TBC1D8B: variants seen among roughly 807,000 people sequenced by gnomAD.
TBC1D8B encodes the protein TBC1 domain family member 8B, also known as RP11-321G1.1.
A neutral mutation model predicts 82.9 loss-of-function variants in TBC1D8B; 75 were observed. The observed-to-expected ratio is 0.90, with a 90% CI of 0.75 to 1.10. TBC1D8B has a LOEUF of 1.10. TBC1D8B is among the 50% of genes least tolerant of loss of function. The probability of loss-of-function intolerance (pLI) is 0.00; values close to 1 mark genes in which losing one functional copy is unlikely to be tolerated. For missense variants in TBC1D8B, 794 were observed against 796.9 expected (o/e 1.00, Z 0.04); for synonymous variants, 276 against 276.8 (o/e 1.00, Z 0.03).
intron 1 of TBC1D8B, among the ~76,000 whole-genome samples, chrX:106,807,545 C>A (rs761014176): frequency 1.0e-5 from 1 of 98,221 alleles, no homozygotes; most frequent in Non-Finnish European, 2.0e-5. Flanking sequence ...AGATTTAATT[C>A]TAATGAAAGA....
chrX:106,842,068 G>C (rs1273935845), intron 10 of TBC1D8B, among the ~76,000 whole-genome samples: 2 of 111,072 alleles, frequency 1.8e-5, no homozygotes, highest in Non-Finnish European at 3.8e-5. Context: ...TATTTATAAT[G>C]GGTTGAATAC....
intron 10 of TBC1D8B, among the ~76,000 whole-genome samples, chrX:106,843,992 T>C (rs980122363): frequency 9.0e-6 from 1 of 111,699 alleles, no homozygotes; most frequent in African/African-American, 3.2e-5. Context: ...ATTGAATTGT[T>C]TTCTTGATTT....
intron 1 of TBC1D8B, 59 bp downstream of exon 1, chrX:106,803,042 T>G: frequency 8.9e-7 from 1 of 1,120,587 alleles, no homozygotes; most frequent in Admixed American, 2.7e-5. Flanking sequence ...TAAAAGGTGG[T>G]GAGGACAACA....
intron 7 of TBC1D8B, among the ~76,000 whole-genome samples, chrX:106,834,911 A>G (rs1286434669): frequency 5.4e-5 from 6 of 111,946 alleles, no homozygotes; most frequent in Admixed American, 4.7e-4. Context: ...GGCTGCTTTC[A>G]CAGGCTAGCA....
At chrX:106,866,576 G>A (rs1265127646) in intron 16 of TBC1D8B, among the ~76,000 whole-genome samples, 1 of 112,147 alleles carries the variant, frequency 8.9e-6, no homozygotes, top group African/African-American at 3.2e-5. Context: ...CTAGGAAAGA[G>A]AACATTTTAC....
intron 1 of TBC1D8B, among the ~76,000 whole-genome samples, chrX:106,809,832 C>T (rs1477257821): frequency 4.0e-5 from 4 of 100,819 alleles, no homozygotes. Flanking sequence ...TGCAGTGAGC[C>T]GAGATCACGC....
intron 14 of TBC1D8B, among the ~76,000 whole-genome samples, chrX:106,864,512 C>CTTTTTT (rs771983121): frequency 1.2e-5 from 1 of 82,489 alleles, no homozygotes; most frequent in Non-Finnish European, 2.3e-5. Flanking sequence ...TGCTGGGCAC[C>CTTTTTT]TTTTTTTTTT....
intron 2 of TBC1D8B, among the ~76,000 whole-genome samples, chrX:106,819,914 G>T (rs927944372): frequency 1.8e-5 from 2 of 110,578 alleles, no homozygotes; most frequent in African/African-American, 6.5e-5. Flanking sequence ...TATACCAAAA[G>T]AATCAAACTT....
At position 106,875,766 on chromosome X, in the gene TBC1D8B, A is replaced by G. The variant is rs1438619660; in HGVS notation, c.*1801A>G. The G allele has an allele frequency of 3.6e-5, 4 of 112,315 alleles. No individual in the cohort carries two copies. The highest frequency in any genetic ancestry group is 7.5e-5 in the Non-Finnish European group (4 of 53,309). 9.3% of individuals were successfully genotyped at this position (112,315 alleles called of 1,213,427 possible). A position where few individuals can be genotyped will look rare whatever the true frequency, so the allele number is the denominator to read the frequency against. ...AATATTTTGTCAGTTGTATTTACAA[A>G]GAAAGGTACTTTCTTAAGAGCATAT... On this transcript the variant is annotated 3_prime_UTR_variant, in exon 21 of 21. Transcript: ENST00000357242.
At chrX:106,856,179 A>G (rs1161330162) in intron 14 of TBC1D8B, among the ~76,000 whole-genome samples, 1 of 111,594 alleles carries the variant, frequency 9.0e-6, no homozygotes, top group African/African-American at 3.3e-5. Flanking sequence ...GCCTTTGCTT[A>G]TTTTTCTATG....
intron 15 of TBC1D8B, 36 bp from the exon 16 acceptor site, chrX:106,865,757 A>T: frequency 8.8e-7 from 1 of 1,141,793 alleles, no homozygotes; most frequent in South Asian, 2.1e-5. Context: ...TACTTTTTCT[A>T]ATTAGTAACT....
chrX:106,853,795 C>A (rs1312219629), intron 13 of TBC1D8B, 145 bp downstream of exon 13: 7 of 578,291 alleles, frequency 1.2e-5, no homozygotes, highest in Non-Finnish European at 1.9e-5. Context: ...AAAATGAGTT[C>A]TGTGAACTGT....
Position 106,848,235 on chromosome X carries a change from A to C in TBC1D8B, c.1769A>C (p.Glu590Ala). The C allele has an allele frequency of 8.4e-7, 1 of 1,194,684 alleles. No homozygotes were observed. Among genetic ancestry groups the C allele is most frequent in the East Asian group, 3.0e-5 (1 of 33,492 alleles). Residue 590 changes from glutamate to alanine, a missense_variant, in exon 11 of 21, where the codon GAA becomes GCA. Glu to Ala is a moderately radical substitution (Grantham distance 107, BLOSUM62 -1). Transcript: ENST00000357242. ...CTGCTTCTATATGCAAAAGAGGAAG[A>C]AGCTTTTTGGCTTCTGGTTGCTGTA... ...SVLLLYAKEE[E>A]AFWLLVAVCE...
At position 106,840,634 on chromosome X, in the gene TBC1D8B, A is replaced by G; in HGVS notation, c.1505-36A>G. On this transcript the variant is annotated intron_variant, in intron 9 of 20. Transcript: ENST00000357242. ...ATATGGAAATAGCTTCATTATATCC[A>G]CCTTCTGTTGTATGTTAATGTAATA... 3 of 1,126,198 alleles carry G rather than the reference A, an allele frequency of 2.7e-6. No individual in the cohort carries two copies. In the Admixed American group the frequency reaches 6.7e-5, roughly 25 times the overall value. 92.8% of individuals were successfully genotyped at this position (1,126,198 alleles called of 1,213,427 possible).
chrX:106,829,623 C>T (rs1293148299), intron 7 of TBC1D8B: 2 of 103,351 alleles, frequency 1.9e-5, no homozygotes, highest in African/African-American at 3.7e-5. Flanking sequence ...AGAACAGAGC[C>T]CTCAGAAATA....
intron 1 of TBC1D8B, among the ~76,000 whole-genome samples, chrX:106,812,703 C>T (rs1027615106): frequency 9.0e-6 from 1 of 111,399 alleles, no homozygotes; most frequent in Non-Finnish European, 1.9e-5. Context: ...TCATCATTAC[C>T]ATTGACCTAA....
chrX:106,821,198 T>G (rs1447081038), intron 3 of TBC1D8B, among the ~76,000 whole-genome samples: 1 of 111,182 alleles, frequency 9.0e-6, no homozygotes, highest in Non-Finnish European at 1.9e-5. Context: ...TATTGAAATA[T>G]TCTCTTAAAA....
Position 106,802,683 on chromosome X carries a change from C to G in TBC1D8B, c.-171C>G, listed in dbSNP as rs1219654504. The G allele has an allele frequency of 1.6e-6, 1 of 638,532 alleles. No homozygotes were observed. The highest frequency in any genetic ancestry group is 2.4e-6 in the Non-Finnish European group (1 of 421,384). The allele number at this position is 638,532 out of a possible 1,213,427, so 52.6% of individuals were successfully genotyped here. A position where few individuals can be genotyped will look rare whatever the true frequency, so the allele number is the denominator to read the frequency against. The stretch of plus-strand genomic sequence containing the variant: ...CTGTGGGAGGGAATTGGCAATCTCT[C>G]TGCCTACGTGGGAGAGAAGGGAGGG... On this transcript the variant is annotated 5_prime_UTR_variant, in exon 1 of 21. Coordinates refer to ENST00000357242, the MANE Select transcript of TBC1D8B (RefSeq NM_017752.3).
intron 14 of TBC1D8B, among the ~76,000 whole-genome samples, chrX:106,858,565 C>A (rs1375707589): frequency 1.8e-5 from 2 of 112,413 alleles, no homozygotes; most frequent in African/African-American, 6.5e-5. Flanking sequence ...AGCCACCACA[C>A]CTGGCCTGGT....
Sources: gnomAD v4.1 joint callset for allele counts (sites outside exome capture counted in the v4.1 genomes callset) on GRCh38, gnomAD v4.1.1 for gene constraint, MANE v1.5 for transcripts, NCBI Gene and HGNC (gene_info 2026-07-23, HGNC 2026-07-21) for gene names.